Variants in DENND4A observed in about 807,000 individuals in gnomAD.
The protein encoded by DENND4A is C-myc promoter-binding protein.
A neutral mutation model predicts 199.3 loss-of-function variants in DENND4A; 70 were observed. The ratio of observed to expected loss-of-function variants is 0.35; its 90% confidence interval spans 0.29 to 0.43. The LOEUF is 0.43. Ranked by LOEUF, DENND4A falls within the 20% of genes least tolerant of loss-of-function variation. DENND4A has a pLI of 1.00. For synonymous variants in DENND4A, 686 were observed against 766.9 expected, an observed-to-expected ratio of 0.89 and a Z score of 1.74; for missense variants, 1,723 against 2,255.8, an observed-to-expected ratio of 0.76 and a Z score of 4.78.
intron 6 of DENND4A, among the ~76,000 whole-genome samples, 177 bp from the exon 7 acceptor site, chr15:65,738,122 G>A (rs549446694): frequency 1.3e-5 from 2 of 152,198 alleles, no homozygotes; most frequent in Admixed American, 1.3e-4. Context: ...ACTATATAGT[G>A]CTATTCTCAT....
intron 11 of DENND4A, among the ~76,000 whole-genome samples, chr15:65,728,516 T>C (rs1173406629): frequency 6.7e-6 from 1 of 149,988 alleles, no homozygotes; most frequent in Non-Finnish European, 1.5e-5. Context: ...AGAGTTTCAC[T>C]GTTGTTGCCC....
intron 1 of DENND4A, among the ~76,000 whole-genome samples, chr15:65,779,889 T>C (rs899392466): frequency 3.3e-5 from 5 of 151,990 alleles, no homozygotes; most frequent in East Asian, 1.9e-4. Flanking sequence ...AGCCACAGTG[T>C]CTGGACTTTA....
At chr15:65,703,138 A>G in intron 15 of DENND4A, 130 bp from the exon 16 acceptor site, 1 of 813,694 alleles carries the variant, frequency 1.2e-6, no homozygotes, top group South Asian at 2.1e-5. Context: ...TTTCTTTGTC[A>G]GGCTGTGATA....
chr15:65,662,172 G>T (rs1380154104), intron 32 of DENND4A, among the ~76,000 whole-genome samples, 185 bp from the exon 33 acceptor site: 2 of 152,182 alleles, frequency 1.3e-5, no homozygotes, highest in African/African-American at 4.8e-5. Context: ...GTTTGAAAAT[G>T]CCAATTTTTA....
chr15:65,667,423 T>C (rs765966279), intron 29 of DENND4A, 26 bp downstream of exon 29: 3 of 1,607,638 alleles, frequency 1.9e-6, no homozygotes, highest in Admixed American at 3.4e-5. Flanking sequence ...GAAGCATTCA[T>C]TGCCTTTTAA....
chr15:65,786,562 T>A (rs1482421809), intron 1 of DENND4A, among the ~76,000 whole-genome samples: 4 of 151,386 alleles, frequency 2.6e-5, no homozygotes, highest in Non-Finnish European at 5.9e-5. Flanking sequence ...AAACCCAGTC[T>A]CTAAAAAGAA....
At position 65,752,620 on chromosome 15, in the gene DENND4A, T is replaced by C; in HGVS notation, c.320A>G (p.Tyr107Cys). ...CTGTTTCAATCTTTCTTTCCAGTCA[T>C]ATAAAACCCTAAAAATAAATTTTTA... ...KPPLTDLGVL[Y>C]DWKERLKQGC... is the part of the protein sequence containing the mutation. The change falls in exon 4 of 33, where the codon TAT becomes TGT. Residue 107 changes from tyrosine to cysteine, a missense_variant. Transcript: ENST00000443035. 6.6e-7 allele frequency: 1 copy of C among 1,504,528 alleles called. No homozygotes were observed. 93.2% of individuals were successfully genotyped at this position (1,504,528 alleles called of 1,614,324 possible).
intron 20 of DENND4A, 42 bp from the exon 21 acceptor site, chr15:65,697,425 T>G (rs770124635): frequency 8.1e-7 from 1 of 1,241,802 alleles, no homozygotes. Flanking sequence ...TAGAAACTTC[T>G]TTAGTGAGTG....
chr15:65,702,268 C>A, intron 17 of DENND4A, 37 bp downstream of exon 17: 2 of 1,517,630 alleles, frequency 1.3e-6, no homozygotes, highest in Middle Eastern at 1.8e-4. Context: ...GACCCCATCT[C>A]AAAAAAATAA....
In DENND4A at chr15:65,690,490, G is replaced by A; in HGVS notation, c.4104C>T (p.Phe1368=). ...TCTCTGCAACTCCTTTTCCAGCAGT[G>A]AACATACTGTTTCTTAGAACATCTA... The part of the protein sequence containing the change: ...PKLDVLRNSM[F]TAGKGVAEKA... The change falls in exon 23 of 33, where the codon TTC becomes TTT. Residue 1368 remains phenylalanine, a synonymous_variant. Coordinates refer to ENST00000443035, the MANE Select transcript of DENND4A (RefSeq NM_001320835.1). 6.2e-7 allele frequency: 1 copy of A among 1,612,606 alleles called. No homozygotes were observed.
chr15:65,685,472 G>T (rs57134650), intron 23 of DENND4A, among the ~76,000 whole-genome samples: 121 of 152,258 alleles, frequency 7.9e-4, no homozygotes, highest in African/African-American at 2.8e-3. Context: ...TATCCTTTTT[G>T]TGTTAATGCT....
At chr15:65,758,991 A>T (rs2076784229) in intron 2 of DENND4A, among the ~76,000 whole-genome samples, 1 of 152,178 alleles carries the variant, frequency 6.6e-6, no homozygotes, top group Admixed American at 6.5e-5. Flanking sequence ...TAGACCATAA[A>T]ATCTCAGGGC....
chr15:65,676,671 T>C, intron 23 of DENND4A, 37 bp from the exon 24 acceptor site: 1 of 1,491,376 alleles, frequency 6.7e-7, no homozygotes, highest in South Asian at 1.4e-5. Context: ...TCTTGTACAT[T>C]TAAAGGTAAT....
intron 24 of DENND4A, among the ~76,000 whole-genome samples, chr15:65,675,789 G>A (rs1451835421): frequency 1.3e-5 from 2 of 152,080 alleles, no homozygotes; most frequent in Non-Finnish European, 2.9e-5. Flanking sequence ...ACTGGCAGTG[G>A]GAATGCAAAA....
intron 2 of DENND4A, among the ~76,000 whole-genome samples, chr15:65,756,792 T>C (rs1028347528): frequency 6.6e-6 from 1 of 152,154 alleles, no homozygotes; most frequent in Admixed American, 6.5e-5. Flanking sequence ...TCCCAGCACT[T>C]TGGGAGGCCA....
At chr15:65,729,738 A>G (rs1055693295) in intron 9 of DENND4A, 60 bp from the exon 10 acceptor site, 14 of 1,456,392 alleles carry the variant, frequency 9.6e-6, no homozygotes, top group Non-Finnish European at 1.2e-5. Context: ...CTCATTATCT[A>G]AAACAATGGG....
chr15:65,719,964 A>G (rs2075559747), intron 12 of DENND4A, among the ~76,000 whole-genome samples: 2 of 152,200 alleles, frequency 1.3e-5, no homozygotes. Context: ...CACACCATGG[A>G]CAATTCTACA....
At chr15:65,723,596 T>C (rs534493766) in intron 11 of DENND4A, among the ~76,000 whole-genome samples, 101 of 152,278 alleles carry the variant, frequency 6.6e-4, no homozygotes, top group African/African-American at 2.4e-3. Context: ...GAGGATACAT[T>C]CCGAGACCCC....
chr15:65,731,693 G>A lies in DENND4A; in HGVS notation c.1115C>T (p.Pro372Leu), dbSNP rs779824694. ...QRPRILVQLS[P>L]HDNLILSQPV... ...CTGACTGAGAATCAGATTATCATGTGGTGATAACTGGAAGAAGATTTAAAA... is the reference window on the plus strand; with the variant it reads ...CTGACTGAGAATCAGATTATCATGTAGTGATAACTGGAAGAAGATTTAAAA... Residue 372 changes from proline (P) to leucine (L), a missense_variant, in exon 9 of 33, where the codon CCA (proline) becomes CTA (leucine). Around this residue, in one of 6 missense-constraint regions of DENND4A, gnomAD observed 725 missense variants for 952.9 expected, o/e 0.76. Transcript: ENST00000443035. 2 of 1,552,254 alleles carry A rather than the reference G, an allele frequency of 1.3e-6. No individual in the cohort carries two copies. Among genetic ancestry groups the A allele is most frequent in the South Asian group, 2.4e-5 (2 of 82,824 alleles).
Sources: gnomAD v4.1 joint callset for allele counts (sites outside exome capture counted in the v4.1 genomes callset) on GRCh38, gnomAD v4.1.1 for gene constraint, gnomAD v4.1.1 regional missense constraint, MANE v1.5 for transcripts, NCBI Gene and HGNC (gene_info 2026-07-23, HGNC 2026-07-21) for gene names.